SF3B2: variants seen among roughly 807,000 people sequenced by gnomAD.
SF3B2 encodes splicing factor 3b subunit 2.
In SF3B2, 22 loss-of-function variants were observed where a neutral mutation model predicts 116.3. The observed-to-expected ratio is 0.19, with a 90% CI of 0.14 to 0.27. The LOEUF (loss-of-function observed/expected upper bound fraction) is 0.27. Ranked by LOEUF, SF3B2 falls within the 10% of genes least tolerant of loss-of-function variation. The pLI is 1.00. For missense variants in SF3B2, 767 were observed against 1,151.4 expected, an observed-to-expected ratio of 0.67 and a Z score of 4.83; for synonymous variants, 406 against 421.6, an observed-to-expected ratio of 0.96 and a Z score of 0.45.
chr11:66,053,832 A>G (rs946921605), intron 3 of SF3B2: 3 of 152,580 alleles, frequency 2.0e-5, no homozygotes, highest in Admixed American at 6.6e-5. Context: ...AAACCTGCGC[A>G]TACTGCACAT....
intron 6 of SF3B2, 96 bp from the exon 7 acceptor site, chr11:66,057,170 C>T: frequency 2.2e-6 from 2 of 929,010 alleles, no homozygotes; most frequent in Non-Finnish European, 3.6e-6. Flanking sequence ...CCCTCCTCCC[C>T]TGCAGGTTTA....
At chr11:66,062,105 A>T (rs1857109325) in intron 16 of SF3B2, 107 bp downstream of exon 16, 1 of 766,170 alleles carries the variant, frequency 1.3e-6, no homozygotes, top group Non-Finnish European at 2.2e-6. Context: ...TTATTTACTT[A>T]AAAAATATTT....
At position 66,055,319 on chromosome 11, in the gene SF3B2, G is replaced by C. The variant is rs747141058; in HGVS notation, c.498+4G>C. On this transcript the variant is annotated splice_donor_region_variant and intron_variant, in intron 4 of 21. Transcript: ENST00000322535. ...GCAGGAGGAGCGTGCCAAGCAGGTA[G>C]GGCAGGTGGCAGCCCTGGCCTTGGA... 7 of 1,610,306 alleles carry C rather than the reference G, an allele frequency of 4.3e-6. No individual in the cohort carries two copies. In the African/African-American group the frequency reaches 9.3e-5, roughly 22 times the overall value.
At chr11:66,055,375 C>T in intron 4 of SF3B2, 60 bp downstream of exon 4, 1 of 1,591,244 alleles carries the variant, frequency 6.3e-7, no homozygotes, top group Non-Finnish European at 8.6e-7. Context: ...GCAGTGGAGC[C>T]TTAGAGAAAG....
Position 66,052,715 on chromosome 11 carries a change from G to T in SF3B2, c.176G>T (p.Arg59Leu). The T allele has an allele frequency of 1.3e-6, 2 of 1,571,438 alleles. No individual in the cohort carries two copies. Among genetic ancestry groups the T allele is most frequent in the South Asian group, 1.2e-5 (1 of 84,362 alleles). The change falls in exon 2 of 22, where the codon CGC (arginine) becomes CTC (leucine). Residue 59 changes from arginine to leucine, a missense_variant. Transcript: ENST00000322535. Reference protein sequence around the residue: ...ELVERLQSYTRQTGIVLNRPV... With the variant: ...ELVERLQSYTLQTGIVLNRPV... ...GTGGAGCGGCTGCAGAGCTACACCC[G>T]CCAGGTAGGTGTTGGCGGCGGGACG...
chr11:66,065,759 C>A (rs1857171979), intron 19 of SF3B2: 1 of 152,158 alleles, frequency 6.6e-6, no homozygotes, highest in Non-Finnish European at 1.5e-5. Flanking sequence ...ACAGTAATCC[C>A]ATACAATATA....
chr11:66,055,212 C>G lies in SF3B2; in HGVS notation c.395C>G (p.Pro132Arg). ...CCACCAAATTTGGGGCCCCCGCCTCCTCTCCGTGTGGGTGAGCCAGTGGCA... is the reference window on the plus strand; with the variant it reads ...CCACCAAATTTGGGGCCCCCGCCTCGTCTCCGTGTGGGTGAGCCAGTGGCA... ...AHPPNLGPPP[P>R]LRVGEPVALS... The change falls in exon 4 of 22, where the codon CCT becomes CGT. Residue 132 changes from proline (P) to arginine (R), a missense_variant. Pro to Arg is a moderately radical substitution (Grantham distance 103, BLOSUM62 -2). This residue lies in a region of SF3B2 where 455 missense variants were observed against 537.5 expected (regional missense o/e 0.85). Transcript: ENST00000322535. 1 of 1,613,380 alleles carries G rather than the reference C, an allele frequency of 6.2e-7. No individual in the cohort carries two copies. The highest frequency in any genetic ancestry group is 8.5e-7 in the Non-Finnish European group (1 of 1,179,344).
intron 5 of SF3B2, 119 bp from the exon 6 acceptor site, chr11:66,056,719 C>T: frequency 1.4e-6 from 1 of 716,882 alleles, no homozygotes; most frequent in Non-Finnish European, 2.5e-6. Flanking sequence ...GATGTCAGCA[C>T]CCAAGTGGTT....
intron 19 of SF3B2, chr11:66,067,284 A>G: frequency 2.5e-6 from 1 of 401,722 alleles, no homozygotes; most frequent in Admixed American, 2.7e-5. Flanking sequence ...AGGTCATGGT[A>G]AGGAGTTTGG....
At chr11:66,060,124 T>A in intron 13 of SF3B2, 115 bp downstream of exon 13, 1 of 920,610 alleles carries the variant, frequency 1.1e-6, no homozygotes, top group Non-Finnish European at 1.6e-6. Flanking sequence ...GTTACTTGTC[T>A]AATTATCCTT....
chr11:66,057,437 G>C, intron 7 of SF3B2, 62 bp downstream of exon 7: 1 of 838,978 alleles, frequency 1.2e-6, no homozygotes, highest in Non-Finnish European at 2.0e-6. Context: ...GACTATTTTT[G>C]GATTTTTAGA....
intron 3 of SF3B2, 116 bp downstream of exon 3, chr11:66,053,220 C>T (rs1856921405): frequency 4.1e-6 from 4 of 970,144 alleles, no homozygotes; most frequent in Admixed American, 1.8e-5. Context: ...GCACATTACT[C>T]GCCTGACCTG....
At chr11:66,064,148 G>A (rs1042845953) in intron 19 of SF3B2, among the ~76,000 whole-genome samples, 2 of 152,228 alleles carry the variant, frequency 1.3e-5, no homozygotes, top group Non-Finnish European at 2.9e-5. Context: ...GTAGTTGAAT[G>A]TGTAGTGTTG....
intron 5 of SF3B2, 42 bp downstream of exon 5, chr11:66,055,627 A>C (rs2135039137): frequency 6.3e-7 from 1 of 1,592,820 alleles, no homozygotes. Context: ...TGGTCCAGTC[A>C]GTTGGCTGTC....
chr11:66,063,903 G>C (rs1290963866), intron 19 of SF3B2, among the ~76,000 whole-genome samples, 174 bp downstream of exon 19: 2 of 152,206 alleles, frequency 1.3e-5, no homozygotes, highest in Non-Finnish European at 2.9e-5. Flanking sequence ...GGTAATCAGA[G>C]AACAAGATAC....
chr11:66,063,158 A>C, intron 17 of SF3B2, 42 bp downstream of exon 17: 1 of 1,446,632 alleles, frequency 6.9e-7, no homozygotes, highest in Non-Finnish European at 9.7e-7. Context: ...ACTTAATGTC[A>C]TGAAGGTTAG....
chr11:66,060,680 C>T lies in SF3B2; in HGVS notation c.1728C>T (p.Phe576=), dbSNP rs1293261422. 1.2e-6 allele frequency: 2 copies of T among 1,614,208 alleles called. No individual in the cohort carries two copies. The highest frequency in any genetic ancestry group is 8.5e-7 in the Non-Finnish European group (1 of 1,180,020). The stretch of plus-strand genomic sequence containing the variant: ...ACCAGAAACTGCATGATGCCTTCTT[C>T]AAGTGGCAGACCAAGCCAAAGCTGA... The part of the protein sequence containing the change: ...IDYQKLHDAF[F]KWQTKPKLTI... Residue 576 remains phenylalanine, a synonymous_variant, in exon 14 of 22, where the codon TTC becomes TTT. Transcript: ENST00000322535.
In SF3B2 at chr11:66,052,570, C is replaced by T. The variant is rs561869; in HGVS notation, c.133+53C>T. The T allele has an allele frequency of 2.8e-3, 4,483 of 1,594,688 alleles. 95 individuals are homozygous for T. In the African/African-American group the frequency reaches 0.053, roughly 19 times the overall value. ...TTTACGGGCCTGCGGAGAAGCGGAG[C>T]CTGGTTACCCGGGAGACTCGGGTGC... On this transcript the variant is annotated intron_variant, in intron 1 of 21. Transcript: ENST00000322535.
rs1857073434 is a variant in SF3B2, at chr11:66,059,955, A to G, written c.1575A>G (p.Pro525=). ...RGIEKPPFEL[P]DFIKRTGIQE... ...TTGAGAAGCCCCCCTTCGAGCTGCC[A>G]GACTTCATCAAACGCACAGGCATCC... The change falls in exon 13 of 22, where the codon CCA becomes CCG. Residue 525 remains proline (P), a synonymous_variant. Transcript: ENST00000322535. The surrounding 1 kb of genome is among the most constrained non-coding windows in gnomAD (Gnocchi z 5.0). 1 of 1,614,094 alleles carries G rather than the reference A, an allele frequency of 6.2e-7. No individual in the cohort carries two copies. Among genetic ancestry groups the G allele is most frequent in the Admixed American group, 1.7e-5 (1 of 60,006 alleles).
Sources: allele counts gnomAD v4.1 joint callset (sites outside exome capture counted in the v4.1 genomes callset), GRCh38; gene constraint gnomAD v4.1.1; regional missense constraint gnomAD v4.1.1; non-coding constraint Gnocchi (gnomAD v3.1); transcripts MANE v1.5; gene names NCBI Gene and HGNC (gene_info 2026-07-23, HGNC 2026-07-21).